ITGA11: variants seen among roughly 807,000 people sequenced by gnomAD.
ITGA11 encodes integrin alpha-11.
In ITGA11, 97 loss-of-function variants were observed where a neutral mutation model predicts 141.9. That is an observed-to-expected ratio of 0.68 (90% CI 0.58 to 0.81). ITGA11 has a LOEUF of 0.81. Ranked by LOEUF, ITGA11 falls within the 30% of genes least tolerant of loss-of-function variation. The probability of loss-of-function intolerance (pLI) is 0.00; values close to 1 mark genes in which losing one functional copy is unlikely to be tolerated. For missense variants in ITGA11, 1,387 were observed against 1,559.2 expected (o/e 0.89, Z 1.86); for synonymous variants, 658 against 624.6 (o/e 1.05, Z -0.80).
chr15:68,389,858 G>GT (rs1567154023), intron 2 of ITGA11, among the ~76,000 whole-genome samples: 1 of 152,168 alleles, frequency 6.6e-6, no homozygotes, highest in Non-Finnish European at 1.5e-5. Flanking sequence ...GCCCAGCTCT[G>GT]TTTTTTCTCA....
At chr15:68,426,946 T>C (rs1213110009) in intron 1 of ITGA11, among the ~76,000 whole-genome samples, 1 of 121,660 alleles carries the variant, frequency 8.2e-6, no homozygotes, top group Non-Finnish European at 1.6e-5. Context: ...ACCTGGGAGG[T>C]GGAGGTTGCA....
chr15:68,357,912 G>A (rs1895119973), intron 6 of ITGA11, among the ~76,000 whole-genome samples: 7 of 152,168 alleles, frequency 4.6e-5, no homozygotes. Context: ...TACTTCATGA[G>A]AAAGTCCACT....
rs1016447232 is a variant in ITGA11, at chr15:68,316,363, G to C, written c.2716-636C>G. Among the ~76,000 whole-genome samples, 6 of 152,314 alleles carry C rather than the reference G, an allele frequency of 3.9e-5. No individual in the cohort carries two copies. The East Asian group carries it at 1.2e-3, about 29-fold the overall frequency. On this transcript the variant is annotated intron_variant, in intron 21 of 29. Transcript: ENST00000315757. Reference sequence around the variant, plus strand: ...TCCTCGCCTCCTCCCTGCCCCACCTGGGGGCATTACTGAGGCTTTGCACAG... The same window carrying C: ...TCCTCGCCTCCTCCCTGCCCCACCTCGGGGCATTACTGAGGCTTTGCACAG...
rs1419742191 is a variant in ITGA11, at chr15:68,300,413, T to C, written c.*2646A>G. ...CAAACTTGGCCCCTCTCCCAACCAA[T>C]GAAATTGGGATCCATAGTGGGTAGG... On this transcript the variant is annotated 3_prime_UTR_variant, in exon 30 of 30. Coordinates refer to ENST00000315757, the MANE Select transcript of ITGA11 (RefSeq NM_001004439.2). 1 of 152,224 alleles carries C rather than the reference T, an allele frequency of 6.6e-6. No homozygotes were observed. Among genetic ancestry groups the C allele is most frequent in the African/African-American group, 2.4e-5 (1 of 41,444 alleles). 9.4% of individuals were successfully genotyped at this position (152,224 alleles called of 1,614,324 possible).
At chr15:68,350,907 C>T (rs1192458865) in intron 8 of ITGA11, 125 bp from the exon 9 acceptor site, 2 of 893,318 alleles carry the variant, frequency 2.2e-6, no homozygotes, top group Non-Finnish European at 1.7e-6. Context: ...CATGAGAGTT[C>T]CTCGCAATGC....
At chr15:68,407,764 A>G (rs1224797044) in intron 1 of ITGA11, among the ~76,000 whole-genome samples, 1 of 152,208 alleles carries the variant, frequency 6.6e-6, no homozygotes, top group African/African-American at 2.4e-5. Context: ...GTCAGTCTCA[A>G]GAAGGGACGG....
At chr15:68,353,873 C>T (rs573983773) in intron 7 of ITGA11, among the ~76,000 whole-genome samples, 2 of 152,160 alleles carry the variant, frequency 1.3e-5, no homozygotes, top group Admixed American at 1.3e-4. Flanking sequence ...AAATCTGGCC[C>T]GTTTCCTCTC....
chr15:68,331,387 C>T (rs912846206), intron 14 of ITGA11, among the ~76,000 whole-genome samples: 7 of 152,162 alleles, frequency 4.6e-5, no homozygotes, highest in African/African-American at 9.7e-5. Context: ...CCATCTCTCA[C>T]GCTGGTCTAT....
At chr15:68,411,265 T>A (rs1896765273) in intron 1 of ITGA11, among the ~76,000 whole-genome samples, 1 of 152,180 alleles carries the variant, frequency 6.6e-6, no homozygotes, top group African/African-American at 2.4e-5. Flanking sequence ...TGTGTTGAGT[T>A]AAAGTAGAAA....
intron 3 of ITGA11, chr15:68,365,231 C>T (rs1213975703): frequency 1.0e-6 from 1 of 985,426 alleles, no homozygotes; most frequent in Non-Finnish European, 1.2e-6. Flanking sequence ...CTGTGCCCAA[C>T]TCTTTCTGTG....
At chr15:68,373,680 A>G (rs901648621) in intron 2 of ITGA11, among the ~76,000 whole-genome samples, 1 of 152,196 alleles carries the variant, frequency 6.6e-6, no homozygotes, top group African/African-American at 2.4e-5. Flanking sequence ...ACAAAGACTT[A>G]AATCTCCCCA....
In ITGA11 at chr15:68,307,740, G is replaced by C. The variant is rs777791248; in HGVS notation, c.3175-44C>G. ...CTCAGGGCTGAGCTGCTGGGCTAGG[G>C]GAGCAGGGGGCAGCAACACTGCTTG... is the stretch of plus-strand genomic sequence containing the variant. On this transcript the variant is annotated intron_variant, in intron 26 of 29. Transcript: ENST00000315757. The surrounding 1 kb of genome is among the most constrained non-coding windows in gnomAD (Gnocchi z 6.1). 1.4e-6 allele frequency: 2 copies of C among 1,384,692 alleles called. No homozygotes were observed. Among genetic ancestry groups the C allele is most frequent in the Non-Finnish European group, 2.0e-6 (2 of 978,058 alleles). The allele number at this position is 1,384,692 out of a possible 1,614,324, so 85.8% of individuals were successfully genotyped here. A position where few individuals can be genotyped will look rare whatever the true frequency, so the allele number is the denominator to read the frequency against.
intron 2 of ITGA11, among the ~76,000 whole-genome samples, chr15:68,389,510 C>G (rs1567153925): frequency 1.3e-5 from 2 of 152,222 alleles, no homozygotes; most frequent in African/African-American, 4.8e-5. Flanking sequence ...CTAGAGAGAT[C>G]TGGGCTCCAG....
At chr15:68,381,392 G>C (rs1484528120) in intron 2 of ITGA11, among the ~76,000 whole-genome samples, 2 of 152,214 alleles carry the variant, frequency 1.3e-5, no homozygotes, top group Admixed American at 6.5e-5. Flanking sequence ...GAAATAAACA[G>C]TGGGACATGT....
rs1296385327 is a variant in ITGA11, at chr15:68,328,639, C to T, written c.1902-377G>A. Among the ~76,000 whole-genome samples, 1 of 152,188 alleles carries T rather than the reference C, an allele frequency of 6.6e-6. No homozygotes were observed. Among genetic ancestry groups the T allele is most frequent in the Non-Finnish European group, 1.5e-5 (1 of 68,028 alleles). Reference sequence around the variant, plus strand: ...TGAAGAGCTTAAAAAAATCCTGGTGCCTCAGCTACACCCTAGGCAAAACCA... The same window carrying T: ...TGAAGAGCTTAAAAAAATCCTGGTGTCTCAGCTACACCCTAGGCAAAACCA... On this transcript the variant is annotated intron_variant, in intron 15 of 29. Transcript: ENST00000315757. This position sits in a 1 kb window ranked among gnomAD's most constrained non-coding sequence, Gnocchi z 4.8.
chr15:68,431,928 C>A, intron 1 of ITGA11, 87 bp downstream of exon 1: 1 of 952,982 alleles, frequency 1.0e-6, no homozygotes, highest in Non-Finnish European at 1.4e-6. Flanking sequence ...AGGAGGGTCG[C>A]GTCCCGATCC....
intron 8 of ITGA11, 136 bp downstream of exon 8, chr15:68,351,119 CAGA>C: frequency 1.1e-6 from 1 of 897,700 alleles, no homozygotes; most frequent in Non-Finnish European, 1.7e-6. Context: ...ACTTGTTGTT[CAGA>C]AGATGAAATG....
At position 68,305,308 on chromosome 15, in the gene ITGA11, C is replaced by T. The variant is rs1893156807; in HGVS notation, c.3382-1423G>A. ...TATTGGAGAGGCTTTTCCCAACTCC[C>T]CTGTATAAAACAGCACCCCCTGGCA... On this transcript the variant is annotated intron_variant, in intron 28 of 29. Coordinates refer to ENST00000315757, the MANE Select transcript of ITGA11 (RefSeq NM_001004439.2). The surrounding 1 kb of genome is among the most constrained non-coding windows in gnomAD (Gnocchi z 4.6). 6.6e-6 allele frequency among the ~76,000 whole-genome samples: 1 copy of T among 152,220 alleles called. No homozygotes were observed. The highest frequency in any genetic ancestry group is 2.1e-4 in the South Asian group (1 of 4,828).
intron 3 of ITGA11, among the ~76,000 whole-genome samples, chr15:68,368,465 CACAT>C (rs1895493889): frequency 6.6e-6 from 1 of 152,262 alleles, no homozygotes; most frequent in Non-Finnish European, 1.5e-5. Flanking sequence ...AGCAGATACA[CACAT>C]GCATGCAAAC....
Sources: allele counts gnomAD v4.1 joint callset (sites outside exome capture counted in the v4.1 genomes callset), GRCh38; gene constraint gnomAD v4.1.1; non-coding constraint Gnocchi (gnomAD v3.1); transcripts MANE v1.5; gene names NCBI Gene and HGNC (gene_info 2026-07-23, HGNC 2026-07-21).